The following ERBB4 variants were observed in gnomAD, a reference collection of about 807,000 sequenced individuals.
ERBB4 encodes receptor tyrosine-protein kinase erbB-4.
ERBB4 carries 42 observed loss-of-function variants against 158.0 expected under a neutral mutation model. That is an observed-to-expected ratio of 0.27 (90% CI 0.21 to 0.34). The LOEUF is 0.34. Among genes scored for constraint, ERBB4 ranks in the 10% least tolerant of loss-of-function variants. The probability of loss-of-function intolerance (pLI) is 1.00; values close to 1 mark genes in which losing one functional copy is unlikely to be tolerated. For missense variants in ERBB4, 1,333 were observed against 1,624.1 expected (o/e 0.82, Z 3.08); for synonymous variants, 583 against 558.7 (o/e 1.04, Z -0.61).
intron 12 of ERBB4, among the ~76,000 whole-genome samples, chr2:211,687,176 G>A (rs1251177852): frequency 6.6e-6 from 1 of 151,472 alleles, no homozygotes; most frequent in East Asian, 1.9e-4. Context: ...GTGGTGGTGG[G>A]CGCCTGTAGT....
At chr2:212,457,257 T>C (rs1688340767) in intron 1 of ERBB4, among the ~76,000 whole-genome samples, 1 of 152,018 alleles carries the variant, frequency 6.6e-6, no homozygotes, top group Non-Finnish European at 1.5e-5. Flanking sequence ...CCAGAAATAA[T>C]ATAAACAAAA....
chr2:211,690,507 TCA>T (rs949365133), intron 12 of ERBB4, among the ~76,000 whole-genome samples: 4 of 152,096 alleles, frequency 2.6e-5, no homozygotes, highest in African/African-American at 9.7e-5. Context: ...CAGTTTCGGG[TCA>T]GGGAAACAAT....
intron 1 of ERBB4, among the ~76,000 whole-genome samples, chr2:212,326,658 AC>A (rs1440170422): frequency 9.3e-5 from 14 of 150,698 alleles, no homozygotes; most frequent in African/African-American, 3.4e-4. Context: ...CTAATGCATA[AC>A]CCTTTTTACC....
chr2:211,947,375 A>T, intron 3 of ERBB4, 55 bp downstream of exon 3: 1 of 1,387,434 alleles, frequency 7.2e-7, no homozygotes, highest in Non-Finnish European at 1.0e-6. Flanking sequence ...CTACATATAC[A>T]ATTGCCTTAT....
chr2:211,816,540 CAAAAAAAAAAAA>C (rs34323414), intron 3 of ERBB4, among the ~76,000 whole-genome samples: 1 of 65,888 alleles, frequency 1.5e-5, no homozygotes. Flanking sequence ...GAGCCCGTCT[CAAAAAAAAAAAA>C]AAAAAAAAAA....
chr2:211,912,645 C>A (rs2079568402), intron 3 of ERBB4, among the ~76,000 whole-genome samples: 2 of 152,080 alleles, frequency 1.3e-5, no homozygotes. Flanking sequence ...ATATTTTACC[C>A]CAAAATATAT....
intron 2 of ERBB4, among the ~76,000 whole-genome samples, chr2:211,974,721 C>T (rs1220669267): frequency 6.6e-6 from 1 of 152,130 alleles, no homozygotes; most frequent in Admixed American, 6.5e-5. Context: ...AAGATTGTTC[C>T]ACTGCAGTCC....
intron 1 of ERBB4, among the ~76,000 whole-genome samples, chr2:212,230,381 T>C (rs983647398): frequency 2.0e-5 from 3 of 152,152 alleles, no homozygotes; most frequent in South Asian, 4.1e-4. Context: ...TGCTACTATC[T>C]CAGTTAATTG....
chr2:212,056,795 G>A (rs1390286651), intron 2 of ERBB4, among the ~76,000 whole-genome samples: 1 of 152,136 alleles, frequency 6.6e-6, no homozygotes, highest in Non-Finnish European at 1.5e-5. Flanking sequence ...ACATGGAAAG[G>A]AACAACTGGT....
intron 3 of ERBB4, among the ~76,000 whole-genome samples, chr2:211,807,697 T>G (rs1284566798): frequency 2.6e-5 from 4 of 152,018 alleles, no homozygotes; most frequent in Non-Finnish European, 5.9e-5. Flanking sequence ...TTTCTATTTC[T>G]AGATCCTTGA....
chr2:212,174,410 A>T (rs1025605809), intron 1 of ERBB4, among the ~76,000 whole-genome samples: 4 of 152,122 alleles, frequency 2.6e-5, no homozygotes, highest in Non-Finnish European at 5.9e-5. Flanking sequence ...TACATACATT[A>T]AATGCTATTT....
intron 20 of ERBB4, among the ~76,000 whole-genome samples, chr2:211,523,901 G>T (rs1010530892): frequency 3.3e-5 from 5 of 152,084 alleles, no homozygotes; most frequent in Admixed American, 2.0e-4. Context: ...TTTTGACAGG[G>T]TGCTGATTGG....
intron 4 of ERBB4, among the ~76,000 whole-genome samples, chr2:211,766,347 A>G (rs7422996): frequency 0.15 from 22,281 of 152,102 alleles, 1,847 homozygotes; most frequent in South Asian, 0.33. Flanking sequence ...CCTTGCCCCA[A>G]TCCTCTAGTG....
intron 1 of ERBB4, among the ~76,000 whole-genome samples, chr2:212,465,051 G>A (rs1417539822): frequency 6.6e-6 from 1 of 151,956 alleles, no homozygotes; most frequent in Non-Finnish European, 1.5e-5. Context: ...GATTTTCCAA[G>A]CCACACACTT....
intron 1 of ERBB4, among the ~76,000 whole-genome samples, chr2:212,389,895 T>G (rs1178269768): frequency 1.3e-5 from 2 of 151,670 alleles, no homozygotes; most frequent in Non-Finnish European, 2.9e-5. Flanking sequence ...TAATAACTCA[T>G]GTGCAGTTAT....
chr2:211,705,296 C>A (rs768112632), intron 10 of ERBB4, 22 bp downstream of exon 10: 97 of 1,509,304 alleles, frequency 6.4e-5, no homozygotes, highest in Non-Finnish European at 8.4e-5. Flanking sequence ...CATAGCGCAA[C>A]AGTTGCAGTT....
chr2:211,440,566 T>C (rs1472309060), intron 20 of ERBB4, among the ~76,000 whole-genome samples: 5 of 152,184 alleles, frequency 3.3e-5, no homozygotes, highest in Admixed American at 1.3e-4. Flanking sequence ...TTCACAGAAT[T>C]GCATGCTACT....
chr2:211,996,193 GA>G (rs2082196412), intron 2 of ERBB4, among the ~76,000 whole-genome samples: 1 of 151,668 alleles, frequency 6.6e-6, no homozygotes, highest in East Asian at 1.9e-4. Context: ...TTACCATATA[GA>G]TTTTTTTATA....
intron 20 of ERBB4, among the ~76,000 whole-genome samples, chr2:211,506,411 CTAATAGACATT>C (rs1306631924): frequency 6.6e-6 from 1 of 151,808 alleles, no homozygotes; most frequent in African/African-American, 2.4e-5. Flanking sequence ...CCAAATGGAC[CTAATAGACATT>C]TATAAAACAC....
Sources: gnomAD v4.1 joint callset for allele counts (sites outside exome capture counted in the v4.1 genomes callset) on GRCh38, gnomAD v4.1.1 for gene constraint, MANE v1.5 for transcripts, NCBI Gene and HGNC (gene_info 2026-07-23, HGNC 2026-07-21) for gene names.